The following TEX14 variants were observed in gnomAD, a reference collection of about 807,000 sequenced individuals.
TEX14 encodes inactive serine/threonine-protein kinase TEX14.
TEX14 carries 168 observed loss-of-function variants against 178.6 expected under a neutral mutation model. That is an observed-to-expected ratio of 0.94 (90% CI 0.83 to 1.07). The LOEUF (loss-of-function observed/expected upper bound fraction) is 1.07. Among genes scored for constraint, TEX14 ranks in the 50% least tolerant of loss-of-function variants. The probability of loss-of-function intolerance (pLI) is 0.00; values close to 1 mark genes in which losing one functional copy is unlikely to be tolerated. For missense variants in TEX14, 1,730 were observed against 1,753.6 expected (o/e 0.99, Z 0.24); for synonymous variants, 626 against 634.1 (o/e 0.99, Z 0.19).
chr17:58,577,487 A>ATT (rs769160401), intron 20 of TEX14, 31 bp from the exon 21 acceptor site: 28 of 841,196 alleles, frequency 3.3e-5, no homozygotes, highest in African/African-American at 7.2e-5. Context: ...ATATATATAT[A>ATT]TATTTTTTTT....
chr17:58,559,662 C>CAAA (rs2144321688), intron 29 of TEX14, 100 bp from the exon 30 acceptor site: 1 of 693,576 alleles, frequency 1.4e-6, no homozygotes, highest in East Asian at 2.5e-5. Context: ...ACAACAACAA[C>CAAA]AAAACCATAT....
intron 4 of TEX14, among the ~76,000 whole-genome samples, chr17:58,622,108 C>T (rs1012297008): frequency 1.3e-5 from 2 of 152,170 alleles, no homozygotes; most frequent in African/African-American, 4.8e-5. Context: ...TGGCACTGTA[C>T]CTGCCCTTTG....
intron 5 of TEX14, among the ~76,000 whole-genome samples, chr17:58,617,845 T>C (rs1317056943): frequency 1.3e-5 from 2 of 152,236 alleles, no homozygotes; most frequent in South Asian, 2.1e-4. Context: ...CACATGGGGC[T>C]GACCTGTTAA....
intron 9 of TEX14, among the ~76,000 whole-genome samples, chr17:58,612,240 T>C (rs1332333900): frequency 1.3e-5 from 2 of 152,140 alleles, no homozygotes; most frequent in Admixed American, 1.3e-4. Context: ...GGATTATAGT[T>C]AGTCAAAGGT....
At chr17:58,576,473 A>AGCTGAGATCACGCCACTGCG (rs1567715254) in intron 21 of TEX14, among the ~76,000 whole-genome samples, 1 of 152,040 alleles carries the variant, frequency 6.6e-6, no homozygotes, top group Non-Finnish European at 1.5e-5. Flanking sequence ...ACGCCACTGC[A>AGCTGAGATCACGCCACTGCG]GTGAGCTGAG....
rs1237362529 is a variant in TEX14 at position 58,615,212 on chromosome 17, G to A, written c.881+20C>T. 2 of 1,478,062 alleles carry A rather than the reference G, an allele frequency of 1.4e-6. No individual in the cohort carries two copies. Among genetic ancestry groups the A allele is most frequent in the East Asian group, 4.5e-5 (2 of 44,238 alleles). 91.6% of individuals were successfully genotyped at this position (1,478,062 alleles called of 1,614,324 possible). Reference sequence around the variant, plus strand: ...GTAGAGAGACCTGGACCTATAAGGGGCCTTGGGCTTCCTTCTCACCTGCTG... The same window carrying A: ...GTAGAGAGACCTGGACCTATAAGGGACCTTGGGCTTCCTTCTCACCTGCTG... On this transcript the variant is annotated intron_variant, in intron 8 of 31. Coordinates refer to ENST00000349033, the MANE Select transcript of TEX14 (RefSeq NM_031272.5).
chr17:58,687,025 C>T (rs992640432), intron 1 of TEX14, among the ~76,000 whole-genome samples: 3 of 151,936 alleles, frequency 2.0e-5, no homozygotes, highest in African/African-American at 7.3e-5. Flanking sequence ...AGATGCCCAC[C>T]ACCACACCTG....
intron 1 of TEX14, among the ~76,000 whole-genome samples, chr17:58,667,931 G>GGCCAAACC (rs2047241003): frequency 6.6e-6 from 1 of 151,238 alleles, no homozygotes; most frequent in Non-Finnish European, 1.5e-5. Context: ...TTGTTTGCTT[G>GGCCAAACC]GCCAAACCTT....
intron 3 of TEX14, among the ~76,000 whole-genome samples, chr17:58,626,422 T>C (rs1361561949): frequency 2.6e-5 from 4 of 151,752 alleles, no homozygotes; most frequent in Admixed American, 6.6e-5. Context: ...AAACAAAAAT[T>C]AGCCGGGCAT....
chr17:58,628,299 C>G (rs907989105), intron 3 of TEX14, among the ~76,000 whole-genome samples: 1 of 152,114 alleles, frequency 6.6e-6, no homozygotes, highest in South Asian at 2.1e-4. Context: ...ACAAAAGCTG[C>G]TCGGCACGGT....
chr17:58,558,749 G>A (rs1302463173), intron 30 of TEX14, among the ~76,000 whole-genome samples: 1 of 152,060 alleles, frequency 6.6e-6, no homozygotes, highest in Non-Finnish European at 1.5e-5. Flanking sequence ...TAAAATTAAG[G>A]TTAATTTATA....
chr17:58,624,993 G>A (rs1294197404), intron 3 of TEX14, among the ~76,000 whole-genome samples: 1 of 152,190 alleles, frequency 6.6e-6, no homozygotes, highest in East Asian at 1.9e-4. Context: ...TGATCCCATT[G>A]GTTCTCACTG....
rs2044474194 is a variant in TEX14 at position 58,569,472 on chromosome 17, C to T, written c.3818-212G>A. Among the ~76,000 whole-genome samples, 1 of 152,162 alleles carries T rather than the reference C, an allele frequency of 6.6e-6. No homozygotes were observed. The highest frequency in any genetic ancestry group is 2.4e-5 in the African/African-American group (1 of 41,444). ...CCCCACTTCTACCCCAATCCCTTTC[C>T]TTTCCTACATCAGCCCTTACCCTGG... On this transcript the variant is annotated intron_variant, in intron 25 of 31. Coordinates refer to ENST00000349033, the MANE Select transcript of TEX14 (RefSeq NM_031272.5). The surrounding 1 kb of genome is among the most constrained non-coding windows in gnomAD (Gnocchi z 4.1).
chr17:58,566,905 AC>A (rs1031822420), intron 26 of TEX14, among the ~76,000 whole-genome samples: 7 of 149,074 alleles, frequency 4.7e-5, no homozygotes, highest in Non-Finnish European at 9.0e-5. Context: ...AGTGGCTCAC[AC>A]CTGTAATCCC....
rs533490323 is a variant in TEX14 at position 58,594,963 on chromosome 17, A to T, written c.2470-1302T>A. ...AGCAAGATGTGTAAAAGTGAGAAGG[A>T]GGCACAAAAAATTACTACATGCTCC... On this transcript the variant is annotated intron_variant, in intron 14 of 31. Coordinates refer to ENST00000349033, the MANE Select transcript of TEX14 (RefSeq NM_031272.5). Among the ~76,000 whole-genome samples the T allele has an allele frequency of 2.4e-4, 37 of 152,310 alleles. 1 individual carries two copies.
At position 58,670,771 on chromosome 17, in the gene TEX14, T is replaced by TCAAAAAAAAAA. The variant is rs1598432610; in HGVS notation, c.-1-18770_-1-18769insTTTTTTTTTTG. ...CTGGGCGACAGAGTGAGACTCCCTC[T>TCAAAAAAAAAA]TAAAAAAAAAAAAAAAAAAAAAAAA... is the stretch of plus-strand genomic sequence containing the variant. On this transcript the variant is annotated intron_variant, in intron 1 of 31. Transcript: ENST00000349033. Among the ~76,000 whole-genome samples, 2 of 7,954 alleles carry TCAAAAAAAAAA rather than the reference T, an allele frequency of 2.5e-4. 1 individual carries two copies. 5.2% of individuals were successfully genotyped at this position (7,954 alleles called of 152,430 possible).
chr17:58,687,164 A>G (rs1434007767), intron 1 of TEX14, among the ~76,000 whole-genome samples: 2 of 152,028 alleles, frequency 1.3e-5, no homozygotes, highest in African/African-American at 4.8e-5. Context: ...CTGACAGAAG[A>G]TTTGCTGGAG....
Position 58,605,106 on chromosome 17 carries a change from T to A in TEX14, c.1208A>T (p.Asp403Val). 6.2e-7 allele frequency: 1 copy of A among 1,614,076 alleles called. No homozygotes were observed. The highest frequency in any genetic ancestry group is 8.5e-7 in the Non-Finnish European group (1 of 1,179,990). Residue 403 changes from aspartate to valine, a missense_variant, in exon 11 of 32, where the codon GAC becomes GTC. Physicochemically the swap from Asp to Val is radical, Grantham distance 152. Around this residue, in one of 2 missense-constraint regions of TEX14, gnomAD observed 789 missense variants for 681.2 expected, o/e 1.16. Transcript: ENST00000349033. The part of the protein sequence containing the change: ...LESEDRGVQR[D>V]LTRVPLPTQL... Reference sequence around the variant, plus strand: ...CGTAGGAAGGGGCACTCGAGTCAGGTCCCTCTGTACACCTCTGTCCTCGCT... The same window carrying A: ...CGTAGGAAGGGGCACTCGAGTCAGGACCCTCTGTACACCTCTGTCCTCGCT...
chr17:58,633,891 C>T (rs1026530534), intron 2 of TEX14, among the ~76,000 whole-genome samples: 1 of 151,152 alleles, frequency 6.6e-6, no homozygotes, highest in Admixed American at 6.6e-5. Flanking sequence ...TCACTTGAAC[C>T]CGGGAGGCAG....
Sources: gnomAD v4.1 joint callset for allele counts (sites outside exome capture counted in the v4.1 genomes callset) on GRCh38, gnomAD v4.1.1 for gene constraint, gnomAD v4.1.1 regional missense constraint, Gnocchi (gnomAD v3.1) non-coding constraint, MANE v1.5 for transcripts, NCBI Gene and HGNC (gene_info 2026-07-23, HGNC 2026-07-21) for gene names.